The following THSD7B variants were observed in gnomAD, a reference collection of about 807,000 sequenced individuals.
The protein encoded by THSD7B is thrombospondin type 1 domain containing 7B, also known as thrombospondin type-1 domain-containing protein 7B.
THSD7B carries 138 observed loss-of-function variants against 213.6 expected under a neutral mutation model. The ratio of observed to expected loss-of-function variants is 0.65; its 90% CI spans 0.56 to 0.74. The LOEUF is 0.74. THSD7B is among the 30% of genes least tolerant of loss of function. The pLI is 0.00. For missense variants in THSD7B, 1,931 were observed against 1,991.5 expected (o/e 0.97, Z 0.58); for synonymous variants, 742 against 687.0 (o/e 1.08, Z -1.25).
At chr2:137,631,242 G>C (rs1235663212) in intron 20 of THSD7B, among the ~76,000 whole-genome samples, 1 of 152,152 alleles carries the variant, frequency 6.6e-6, no homozygotes. Context: ...ATCAAAGCTT[G>C]TAATAGAAGA....
intron 3 of THSD7B, among the ~76,000 whole-genome samples, chr2:137,088,395 A>G (rs1687882967): frequency 6.6e-6 from 1 of 152,100 alleles, no homozygotes. Flanking sequence ...TCCCTTTTAA[A>G]CAAATGGTAC....
At chr2:137,573,078 C>A (rs1368715712) in intron 17 of THSD7B, among the ~76,000 whole-genome samples, 1 of 147,030 alleles carries the variant, frequency 6.8e-6, no homozygotes, top group Non-Finnish European at 1.5e-5. Context: ...AAAAAAAAAA[C>A]TAAAGGATAT....
At chr2:137,650,074 T>C (rs1190603022) in intron 21 of THSD7B, among the ~76,000 whole-genome samples, 2 of 152,156 alleles carry the variant, frequency 1.3e-5, no homozygotes, top group African/African-American at 4.8e-5. Context: ...TGCATTGATA[T>C]TTTGAGTTCC....
chr2:137,172,063 G>A (rs912391025), intron 7 of THSD7B, among the ~76,000 whole-genome samples: 4 of 152,084 alleles, frequency 2.6e-5, no homozygotes, highest in African/African-American at 7.2e-5. Context: ...GATCACTTTC[G>A]TATTGCTTTT....
At chr2:137,357,118 G>A (rs1389760551) in intron 12 of THSD7B, among the ~76,000 whole-genome samples, 2 of 152,080 alleles carry the variant, frequency 1.3e-5, no homozygotes, top group South Asian at 2.1e-4. Context: ...GACATTATAC[G>A]TGTATGATTC....
rs763914893 is a variant in THSD7B, at chr2:137,057,065, G to A, written c.785G>A (p.Ser262Asn). ...CCTCATCTTAAAGAAATTAATCCAA[G>A]CGGAAGAACTGTTCTGGATTTTAAC... is the stretch of plus-strand genomic sequence containing the variant. ...RLPHLKEINP[S>N]GRTVLDFNSD... The change falls in exon 3 of 28, where the codon AGC (serine) becomes AAC (asparagine). Residue 262 changes from serine (S) to asparagine (N), a missense_variant. By Grantham distance (46) the Ser-to-Asn change is conservative (BLOSUM62 1). Transcript: ENST00000409968. 1.2e-6 allele frequency: 2 copies of A among 1,613,916 alleles called. No individual in the cohort carries two copies. The highest frequency in any genetic ancestry group is 1.6e-4 in the Middle Eastern group (1 of 6,062).
rs148437818 is a variant in THSD7B at position 137,226,849 on chromosome 2, G to A, written c.1724-4195G>A. 5.4e-5 allele frequency among the ~76,000 whole-genome samples: 8 copies of A among 146,794 alleles called. No homozygotes were observed. The South Asian group carries it at 8.6e-4, about 16-fold the overall frequency. On this transcript the variant is annotated intron_variant, in intron 7 of 27. Transcript: ENST00000409968. ...TATGGGAACAGCCCAAATGTCTATC[G>A]ACAGATGAATAAACACATTTCAGTA... is the stretch of plus-strand genomic sequence containing the variant.
chr2:137,642,387 T>C, intron 20 of THSD7B, 101 bp from the exon 21 acceptor site: 1 of 1,387,160 alleles, frequency 7.2e-7, no homozygotes, highest in East Asian at 2.3e-5. Context: ...GAGTTCAGTC[T>C]ATTAAAATGA....
chr2:136,879,188 T>G lies in THSD7B; in HGVS notation c.-35-2956T>G, dbSNP rs559095464. On this transcript the variant is annotated intron_variant, in intron 1 of 27. Transcript: ENST00000409968. The stretch of plus-strand genomic sequence containing the variant: ...TTAAATAGGGAATCCTTTCCCCATT[T>G]CTTGTTTTTGTCAGGTTTGTCAAAG... Among the ~76,000 whole-genome samples, 1,183 of 152,264 alleles carry G rather than the reference T, an allele frequency of 7.8e-3. 18 individuals are homozygous for G. Among genetic ancestry groups the G allele is most frequent in the African/African-American group, 0.027 (1,121 of 41,548 alleles).
At chr2:136,780,790 G>A (rs1238509441) in intron 1 of THSD7B, among the ~76,000 whole-genome samples, 2 of 152,112 alleles carry the variant, frequency 1.3e-5, no homozygotes, top group Non-Finnish European at 2.9e-5. Context: ...TAAATACAAA[G>A]GCATTTCTTG....
chr2:137,531,755 C>G (rs555467881), intron 15 of THSD7B, among the ~76,000 whole-genome samples: 3 of 151,976 alleles, frequency 2.0e-5, no homozygotes, highest in Middle Eastern at 3.4e-3. Flanking sequence ...TCTGTGTGAC[C>G]CTTTCCCCTT....
At chr2:137,041,666 ATATGT>A (rs59323513) in intron 2 of THSD7B, among the ~76,000 whole-genome samples, 10,515 of 149,782 alleles carry the variant, frequency 0.07, 731 homozygotes, top group East Asian at 0.21. Context: ...ATAACATATA[ATATGT>A]TATGATTATA....
chr2:136,821,684 G>A (rs935778230), intron 1 of THSD7B, among the ~76,000 whole-genome samples: 6 of 152,128 alleles, frequency 3.9e-5, no homozygotes, highest in African/African-American at 7.2e-5. Context: ...GTCTCCTTCC[G>A]CGGTTAGGCT....
chr2:137,284,167 A>G (rs1683110455), intron 12 of THSD7B, among the ~76,000 whole-genome samples: 1 of 151,806 alleles, frequency 6.6e-6, no homozygotes, highest in Non-Finnish European at 1.5e-5. Context: ...TTTCTTCTAG[A>G]TTTTCTAGTT....
Position 137,094,143 on chromosome 2 carries a change from A to G in THSD7B, c.951-730A>G, listed in dbSNP as rs79832393. Among the ~76,000 whole-genome samples, 1,388 of 152,304 alleles carry G rather than the reference A, an allele frequency of 9.1e-3. 18 individuals are homozygous for G. The highest frequency in any genetic ancestry group is 0.032 in the African/African-American group (1,339 of 41,550). On this transcript the variant is annotated intron_variant, in intron 3 of 27. Coordinates refer to ENST00000409968, the MANE Select transcript of THSD7B (RefSeq NM_001316349.2). Reference sequence around the variant, plus strand: ...TTTCTGAGCCTAAATTTCTTTATCTATCTACAAAATGGATATAATAAAATG... The same window carrying G: ...TTTCTGAGCCTAAATTTCTTTATCTGTCTACAAAATGGATATAATAAAATG...
At chr2:137,276,555 G>A (rs1682877506) in intron 12 of THSD7B, among the ~76,000 whole-genome samples, 1 of 152,040 alleles carries the variant, frequency 6.6e-6, no homozygotes. Context: ...ATATGAATAA[G>A]CTTCTGGACC....
At chr2:137,178,281 C>T (rs150893947) in intron 7 of THSD7B, among the ~76,000 whole-genome samples, 205 of 151,456 alleles carry the variant, frequency 1.4e-3, no homozygotes, top group African/African-American at 4.2e-3. Context: ...ACAGAAGACA[C>T]GCAATATGTG....
At chr2:136,888,101 AAAG>A (rs1181520124) in intron 2 of THSD7B, among the ~76,000 whole-genome samples, 2 of 152,186 alleles carry the variant, frequency 1.3e-5, no homozygotes, top group Admixed American at 1.3e-4. Flanking sequence ...GACATACAAA[AAAG>A]AGGGGATTAT....
intron 2 of THSD7B, among the ~76,000 whole-genome samples, chr2:137,004,340 C>CACAA (rs1553463956): frequency 1.0e-4 from 15 of 145,982 alleles, no homozygotes; most frequent in Non-Finnish European, 2.0e-4. Flanking sequence ...CACACACACA[C>CACAA]ACACACAAAC....
Sources: gnomAD v4.1 joint callset for allele counts (sites outside exome capture counted in the v4.1 genomes callset) on GRCh38, gnomAD v4.1.1 for gene constraint, MANE v1.5 for transcripts, NCBI Gene and HGNC (gene_info 2026-07-23, HGNC 2026-07-21) for gene names.